The following LRIT3 variants were observed in gnomAD, a reference collection of about 807,000 sequenced individuals.
LRIT3 encodes leucine-rich repeat, immunoglobulin-like domain and transmembrane domain-containing protein 3.
Under a neutral mutation model 22.6 loss-of-function variants are expected in LRIT3, and 14 were observed. The ratio of observed to expected loss-of-function variants is 0.62; its 90% CI spans 0.41 to 0.97. The LOEUF (loss-of-function observed/expected upper bound fraction) is 0.97, where lower values mean the gene tolerates loss of function less well. Among genes scored for constraint, LRIT3 ranks in the 50% least tolerant of loss-of-function variants. The probability of loss-of-function intolerance (pLI) is 0.00; values close to 1 mark genes in which losing one functional copy is unlikely to be tolerated. For missense variants in LRIT3, 783 were observed against 803.0 expected (o/e 0.98, Z 0.30); for synonymous variants, 306 against 304.5 (o/e 1.01, Z -0.05).
chr4:109,868,105 TCTC>T, intron 3 of LRIT3, among the ~76,000 whole-genome samples, 159 bp downstream of exon 3: 1 of 152,274 alleles, frequency 6.6e-6, no homozygotes, highest in Non-Finnish European at 1.5e-5. Context: ...TCATTAGTAT[TCTC>T]CTCAGTTTAT....
chr4:109,858,211 T>C (rs940615788), intron 2 of LRIT3, among the ~76,000 whole-genome samples: 2 of 152,038 alleles, frequency 1.3e-5, no homozygotes, highest in African/African-American at 4.8e-5. Flanking sequence ...AAAAGGAATA[T>C]AGGCCCAATA....
intron 2 of LRIT3, among the ~76,000 whole-genome samples, chr4:109,857,098 C>G (rs182690057): frequency 6.6e-6 from 1 of 152,042 alleles, no homozygotes; most frequent in Non-Finnish European, 1.5e-5. Flanking sequence ...TGAGTCAATA[C>G]AAGTATACAA....
chr4:109,851,312 A>C, intron 1 of LRIT3, 192 bp from the exon 2 acceptor site: 2 of 658,474 alleles, frequency 3.0e-6, no homozygotes, highest in South Asian at 2.1e-5. Context: ...TTCCATGGCC[A>C]CAGAGGAGGT....
chr4:109,848,845 T>C (rs866181722), intron 1 of LRIT3, among the ~76,000 whole-genome samples: 1 of 152,192 alleles, frequency 6.6e-6, no homozygotes, highest in Non-Finnish European at 1.5e-5. Flanking sequence ...ATAAAGAAGA[T>C]TGAAAAAGAT....
At chr4:109,850,410 CCTTCCTTCCTTCCTT>C (rs1363265737) in intron 1 of LRIT3, among the ~76,000 whole-genome samples, 1,303 of 5,338 alleles carry the variant, frequency 0.24, 29 homozygotes, top group African/African-American at 0.33. Context: ...TTCCTTCCTT[CCTTCCTTCCTTCCTT>C]TCTTTCTTTC....
In LRIT3 at chr4:109,869,965, T is replaced by G. The variant is rs781074134; in HGVS notation, c.1216T>G (p.Ser406Ala). The change falls in exon 4 of 4, where the codon TCT (serine) becomes GCT (alanine). Residue 406 changes from serine to alanine, a missense_variant. Coordinates refer to ENST00000594814, the MANE Select transcript of LRIT3 (RefSeq NM_198506.5). ...SFSASTLSPPSTASFSLSPFS... is the reference protein window; with the variant it reads ...SFSASTLSPPATASFSLSPFS... ...TTCTGCTTCTACTTTGTCTCCTCCC[T>G]CTACTGCTTCCTTCTCTTTATCTCC... 6.2e-7 allele frequency: 1 copy of G among 1,614,062 alleles called. No homozygotes were observed. Among genetic ancestry groups the G allele is most frequent in the Non-Finnish European group, 8.5e-7 (1 of 1,179,950 alleles).
intron 3 of LRIT3, 61 bp downstream of exon 3, chr4:109,868,007 T>C: frequency 6.7e-7 from 1 of 1,494,706 alleles, no homozygotes; most frequent in Non-Finnish European, 9.0e-7. Context: ...GTTAACATCA[T>C]GTGTTGTGTG....
In LRIT3 at chr4:109,870,178, C is replaced by T. The variant is rs767331469; in HGVS notation, c.1429C>T (p.Gln477Ter). Residue 477 changes from glutamine to a stop codon, truncating the protein, a stop_gained, in exon 4 of 4, where the codon CAA becomes TAA. Coordinates refer to ENST00000594814, the MANE Select transcript of LRIT3 (RefSeq NM_198506.5). LOFTEE classifies it low-confidence loss of function (END_TRUNC). ...GAAAGAAGAGCTGGCATTGTTGGATCAAACAATGCTTACGGAGACAAATGC... is the reference window on the plus strand; with the variant it reads ...GAAAGAAGAGCTGGCATTGTTGGATTAAACAATGCTTACGGAGACAAATGC... ...SKKEELALLD[Q>*]TMLTETNAAI... 1.2e-6 allele frequency: 2 copies of T among 1,614,224 alleles called. No homozygotes were observed. The highest frequency in any genetic ancestry group is 2.2e-5 in the South Asian group (2 of 91,090).
intron 2 of LRIT3, among the ~76,000 whole-genome samples, chr4:109,862,202 G>A (rs536072174): frequency 8.5e-5 from 13 of 152,230 alleles, no homozygotes; most frequent in African/African-American, 3.1e-4. Flanking sequence ...AGCGCATTTA[G>A]TCCAACTATT....
Position 109,851,883 on chromosome 4 carries a change from A to G in LRIT3, c.496A>G (p.Thr166Ala). Reference sequence around the variant, plus strand: ...CTTGGATTTATCAAGCAACAGACTCACCACATTGCCACCAGATTTCCTGGA... The same window carrying G: ...CTTGGATTTATCAAGCAACAGACTCGCCACATTGCCACCAGATTTCCTGGA... The part of the protein sequence containing the change: ...AYLDLSSNRL[T>A]TLPPDFLESW... The change falls in exon 2 of 4, where the codon ACC becomes GCC. Residue 166 changes from threonine (T) to alanine (A), a missense_variant. By Grantham distance (58) the Thr-to-Ala change is moderately conservative. Around this residue, in one of 2 missense-constraint regions of LRIT3, gnomAD observed 756 missense variants for 753.8 expected, o/e 1.00. Transcript: ENST00000594814. 1.3e-6 allele frequency: 2 copies of G among 1,551,628 alleles called. No individual in the cohort carries two copies. The highest frequency in any genetic ancestry group is 1.4e-5 in the African/African-American group (1 of 73,142).
At chr4:109,869,019 T>A (rs962418368) in intron 3 of LRIT3, among the ~76,000 whole-genome samples, 9 of 152,164 alleles carry the variant, frequency 5.9e-5, no homozygotes, top group Non-Finnish European at 8.8e-5. Flanking sequence ...AAATTCTGAT[T>A]TTTTAAAAAA....
At position 109,859,547 on chromosome 4, in the gene LRIT3, G is replaced by A. The variant is rs140948787; in HGVS notation, c.589+7571G>A. 1.8e-4 allele frequency among the ~76,000 whole-genome samples: 27 copies of A among 152,274 alleles called. No homozygotes were observed. In the East Asian group the frequency reaches 4.2e-3, roughly 24 times the overall value. ...AAACAGGACGTGAAGCTAGACAACC[G>A]GTTAGACCAGAAATTCTCAGAAGGA... On this transcript the variant is annotated intron_variant, in intron 2 of 3. Coordinates refer to ENST00000594814, the MANE Select transcript of LRIT3 (RefSeq NM_198506.5).
At chr4:109,868,555 A>C (rs866551638) in intron 3 of LRIT3, among the ~76,000 whole-genome samples, 1,541 of 147,080 alleles carry the variant, frequency 0.01, 14 homozygotes, top group African/African-American at 0.031. Context: ...CTGTCTTAAA[A>C]AAAAAAAAAA....
intron 2 of LRIT3, among the ~76,000 whole-genome samples, chr4:109,864,139 CAA>C (rs1190941764): frequency 2.0e-5 from 3 of 152,054 alleles, no homozygotes; most frequent in Non-Finnish European, 4.4e-5. Flanking sequence ...AATTTTGACA[CAA>C]ATTTATAGAT....
rs1734272490 is a variant in LRIT3, at chr4:109,851,638, A to G, written c.251A>G (p.Gln84Arg). 1 of 1,551,744 alleles carries G rather than the reference A, an allele frequency of 6.4e-7. No individual in the cohort carries two copies. Among genetic ancestry groups the G allele is most frequent in the Middle Eastern group, 1.7e-4 (1 of 5,990 alleles). ...AEAFYYLVEL[Q>R]YLWVTYNSVA... ...GCCTTCTATTACCTGGTGGAGCTCC[A>G]GTATCTCTGGGTGACTTACAATTCC... Residue 84 changes from glutamine to arginine, a missense_variant, in exon 2 of 4, where the codon CAG becomes CGG. Physicochemically the swap from Gln to Arg is conservative, Grantham distance 43 (BLOSUM62 1). This residue lies in a region of LRIT3 where 756 missense variants were observed against 753.8 expected (regional missense o/e 1.00). Transcript: ENST00000594814.
intron 2 of LRIT3, among the ~76,000 whole-genome samples, chr4:109,855,844 G>A (rs1734388513): frequency 1.3e-5 from 2 of 152,282 alleles, no homozygotes; most frequent in South Asian, 4.1e-4. Context: ...ATGTAGTTGA[G>A]TGGTTTTGAG....
At chr4:109,860,901 T>C (rs562836671) in intron 2 of LRIT3, among the ~76,000 whole-genome samples, 1 of 152,396 alleles carries the variant, frequency 6.6e-6, no homozygotes, top group Non-Finnish European at 1.5e-5. Context: ...TATTCAATTG[T>C]ATGAATGAAG....
At chr4:109,853,016 T>A (rs1453559509) in intron 2 of LRIT3, among the ~76,000 whole-genome samples, 1 of 152,234 alleles carries the variant, frequency 6.6e-6, no homozygotes, top group Non-Finnish European at 1.5e-5. Flanking sequence ...AAGTCTTTGC[T>A]ATTGTGAATA....
Position 109,869,694 on chromosome 4 carries a change from G to C in LRIT3, c.945G>C (p.Leu315Phe). 3.8e-6 allele frequency: 6 copies of C among 1,595,876 alleles called. No homozygotes were observed. The highest frequency in any genetic ancestry group is 5.1e-6 in the Non-Finnish European group (6 of 1,170,838). The stretch of plus-strand genomic sequence containing the variant: ...GAGTCAGATGGTCCATAATGAGCTT[G>C]ACAGGCATTTCTTCCAAAGACGCTG... ...EEGVRWSIMS[L>F]TGISSKDAGD... The change falls in exon 4 of 4, where the codon TTG becomes TTC. Residue 315 changes from leucine to phenylalanine, a missense_variant. This residue lies in a region of LRIT3 where 756 missense variants were observed against 753.8 expected (regional missense o/e 1.00). Transcript: ENST00000594814.
Sources: allele counts gnomAD v4.1 joint callset (sites outside exome capture counted in the v4.1 genomes callset), GRCh38; gene constraint gnomAD v4.1.1; regional missense constraint gnomAD v4.1.1; transcripts MANE v1.5; gene names NCBI Gene and HGNC (gene_info 2026-07-23, HGNC 2026-07-21).